Variants in RELN observed in about 807,000 individuals in gnomAD.
The protein encoded by RELN is reelin.
RELN carries 108 observed loss-of-function variants against 427.6 expected under a neutral mutation model. The ratio of observed to expected loss-of-function variants is 0.25; its 90% CI spans 0.22 to 0.30. The LOEUF is 0.30. Among genes scored for constraint, RELN ranks in the 10% least tolerant of loss-of-function variants. The pLI, the probability that RELN is intolerant of heterozygous loss-of-function variation, is 1.00. For synonymous variants in RELN, 1,524 were observed against 1,513.4 expected (o/e 1.01, Z -0.16); for missense variants, 3,715 against 4,302.8 (o/e 0.86, Z 3.82).
rs143820297 is a variant in RELN, at chr7:103,883,856, C to T, written c.337+33219G>A. Reference sequence around the variant, plus strand: ...CAATATCGTGAAAATGGCCATACTGCCCAAAGTAATTTATAGATGCAACAC... The same window carrying T: ...CAATATCGTGAAAATGGCCATACTGTCCAAAGTAATTTATAGATGCAACAC... On this transcript the variant is annotated intron_variant, in intron 2 of 64. Coordinates refer to ENST00000428762, the MANE Select transcript of RELN (RefSeq NM_005045.4). 9.7e-3 allele frequency among the ~76,000 whole-genome samples: 1,469 copies of T among 152,214 alleles called. 24 individuals are homozygous for T. The highest frequency in any genetic ancestry group is 0.034 in the African/African-American group (1,395 of 41,516).
At chr7:103,775,875 C>T (rs1197881533) in intron 4 of RELN, among the ~76,000 whole-genome samples, 1 of 152,168 alleles carries the variant, frequency 6.6e-6, no homozygotes, top group African/African-American at 2.4e-5. Context: ...CTCTCTAGGG[C>T]AACATCCACC....
intron 2 of RELN, among the ~76,000 whole-genome samples, chr7:103,848,844 A>T (rs1793745547): frequency 6.6e-6 from 1 of 152,254 alleles, no homozygotes; most frequent in African/African-American, 2.4e-5. Flanking sequence ...GATAGTTTTT[A>T]AAAATTATGG....
chr7:103,930,055 G>A (rs899196773), intron 1 of RELN, among the ~76,000 whole-genome samples: 1 of 152,190 alleles, frequency 6.6e-6, no homozygotes, highest in Admixed American at 6.5e-5. Flanking sequence ...AAGTCTATTA[G>A]CTTGGTAGGG....
chr7:103,707,449 T>A (rs543225887), intron 8 of RELN, among the ~76,000 whole-genome samples: 1 of 152,156 alleles, frequency 6.6e-6, no homozygotes, highest in African/African-American at 2.4e-5. Flanking sequence ...GTAATTCATA[T>A]TTGCTTCCTA....
intron 2 of RELN, 134 bp from the exon 3 acceptor site, chr7:103,833,806 A>G (rs1038796379): frequency 2.0e-5 from 17 of 838,332 alleles, no homozygotes; most frequent in Non-Finnish European, 2.9e-5. Context: ...TAAGTTATGT[A>G]ATTTTTCACT....
intron 41 of RELN, among the ~76,000 whole-genome samples, chr7:103,550,332 T>C (rs1830384407): frequency 6.6e-6 from 1 of 152,226 alleles, no homozygotes; most frequent in Non-Finnish European, 1.5e-5. Context: ...ATCTTGAAAG[T>C]ATGATATTAG....
intron 24 of RELN, among the ~76,000 whole-genome samples, chr7:103,599,264 T>C (rs1831610103): frequency 6.6e-6 from 1 of 152,176 alleles, no homozygotes. Flanking sequence ...TTTTCATTCA[T>C]TTATTCAGTC....
intron 10 of RELN, among the ~76,000 whole-genome samples, chr7:103,689,520 C>T (rs1025692672): frequency 2.6e-5 from 4 of 152,008 alleles, no homozygotes; most frequent in Non-Finnish European, 4.4e-5. Flanking sequence ...CACAAACACA[C>T]ACACACCAAG....
At position 103,652,751 on chromosome 7, in the gene RELN, A is replaced by C; in HGVS notation, c.1563T>G (p.Ser521=). 6.2e-7 allele frequency: 1 copy of C among 1,612,662 alleles called. No homozygotes were observed. Among genetic ancestry groups the C allele is most frequent in the Non-Finnish European group, 8.5e-7 (1 of 1,179,112 alleles). ...CAGGATTGATGACCACAGAAACCAA[A>C]GACGGAACCTTTCAAACAAAGGAGA... ...TLSYSSYKVP[S]LVSVVINPEL... The change falls in exon 14 of 65, where the codon TCT becomes TCG. Residue 521 remains serine, a synonymous_variant. Transcript: ENST00000428762.
intron 11 of RELN, among the ~76,000 whole-genome samples, chr7:103,674,391 GCTTT>G (rs571460678): frequency 3.3e-4 from 50 of 151,744 alleles, no homozygotes; most frequent in African/African-American, 1.2e-3. Flanking sequence ...TTAGTTTAAT[GCTTT>G]CTTTTTTCTT....
Position 103,522,033 on chromosome 7 carries a change from G to A in RELN, c.7657C>T (p.His2553Tyr). 1 of 1,614,062 alleles carries A rather than the reference G, an allele frequency of 6.2e-7. No individual in the cohort carries two copies. Among genetic ancestry groups the A allele is most frequent in the Non-Finnish European group, 8.5e-7 (1 of 1,180,002 alleles). Residue 2553 changes from histidine (H) to tyrosine (Y), a missense_variant, in exon 48 of 65, where the codon CAT becomes TAT. Transcript: ENST00000428762. ...CGAVASGMAL[H>Y]FSGGCSRLLV... The stretch of plus-strand genomic sequence containing the variant: ...AGCCAAACACTCACCCCACTGAAAT[G>A]GAGAGCCATTCCCGACGCCACGGCT...
chr7:103,526,195 T>A (rs1218088541), intron 46 of RELN, among the ~76,000 whole-genome samples: 1 of 152,250 alleles, frequency 6.6e-6, no homozygotes, highest in East Asian at 1.9e-4. Context: ...GGGCAACCAC[T>A]TAGAGAAACT....
intron 4 of RELN, among the ~76,000 whole-genome samples, chr7:103,768,254 G>A (rs118180347): frequency 6.6e-5 from 10 of 151,792 alleles, no homozygotes; most frequent in East Asian, 1.9e-4. Flanking sequence ...AGCCAACCCC[G>A]CACCCCAGAC....
chr7:103,820,542 A>C (rs1238117955), intron 3 of RELN, among the ~76,000 whole-genome samples: 1 of 136,586 alleles, frequency 7.3e-6, no homozygotes, highest in East Asian at 2.1e-4. Context: ...GAAAAGAAAA[A>C]CACTCATTCT....
At chr7:103,851,053 T>C (rs990178506) in intron 2 of RELN, among the ~76,000 whole-genome samples, 1 of 152,168 alleles carries the variant, frequency 6.6e-6, no homozygotes, top group Admixed American at 6.5e-5. Context: ...GCAGAACAAT[T>C]CACATTGCAA....
chr7:103,730,924 T>A (rs1790337586), intron 6 of RELN, among the ~76,000 whole-genome samples: 1 of 152,244 alleles, frequency 6.6e-6, no homozygotes, highest in South Asian at 2.1e-4. Context: ...TTCTTGTATT[T>A]AACAAATTTA....
Position 103,909,824 on chromosome 7 carries a change from A to T in RELN, c.337+7251T>A, listed in dbSNP as rs6955631. Among the ~76,000 whole-genome samples, 11 of 54,370 alleles carry T rather than the reference A, an allele frequency of 2.0e-4. 1 individual carries two copies. The South Asian group carries it at 8.3e-3, about 41-fold the overall frequency. The allele number at this position is 54,370 out of a possible 152,430, so 35.7% of individuals were successfully genotyped here. ...TATTAATATATAATATTATATATAA[A>T]ATATATATATTTAATATATATATTT... On this transcript the variant is annotated intron_variant, in intron 2 of 64. Transcript: ENST00000428762.
chr7:103,873,784 G>A (rs1023919297), intron 2 of RELN, among the ~76,000 whole-genome samples: 1 of 133,004 alleles, frequency 7.5e-6, no homozygotes, highest in African/African-American at 2.6e-5. Flanking sequence ...GGTACAAGGA[G>A]GAACTGGTAC....
At chr7:103,770,421 T>G (rs1214627237) in intron 4 of RELN, among the ~76,000 whole-genome samples, 4 of 152,098 alleles carry the variant, frequency 2.6e-5, no homozygotes, top group Non-Finnish European at 4.4e-5. Flanking sequence ...TTTTGTAACC[T>G]CCTCTTCTTG....
Sources: allele counts gnomAD v4.1 joint callset (sites outside exome capture counted in the v4.1 genomes callset), GRCh38; gene constraint gnomAD v4.1.1; transcripts MANE v1.5; gene names NCBI Gene and HGNC (gene_info 2026-07-23, HGNC 2026-07-21).